TC2N: variants seen among roughly 807,000 people sequenced by gnomAD.
The protein encoded by TC2N is tandem C2 domains, nuclear.
In TC2N, 51 loss-of-function variants were observed where a neutral mutation model predicts 61.9. The ratio of observed to expected loss-of-function variants is 0.82; its 90% CI spans 0.66 to 1.04. The LOEUF (loss-of-function observed/expected upper bound fraction) is 1.04. Among genes scored for constraint, TC2N ranks in the 50% least tolerant of loss-of-function variants. The pLI is 0.00. For missense variants in TC2N, 556 were observed against 566.7 expected, an observed-to-expected ratio of 0.98 and a Z score of 0.19; for synonymous variants, 204 against 192.6, an observed-to-expected ratio of 1.06 and a Z score of -0.49.
rs1885159921 is a variant in TC2N at position 91,782,134 on chromosome 14, C to A, written c.*966G>T. 6.6e-6 allele frequency: 1 copy of A among 151,712 alleles called. No homozygotes were observed. The highest frequency in any genetic ancestry group is 2.4e-5 in the African/African-American group (1 of 41,310). The allele number at this position is 151,712 out of a possible 1,614,324, so 9.4% of individuals were successfully genotyped here. On this transcript the variant is annotated 3_prime_UTR_variant, in exon 12 of 12. Transcript: ENST00000435962. ...TGAAATTATTTCCAAATACTGAGTT[C>A]TAATAAGTACTGGAAAGAAAACTGC...
chr14:91,794,554 T>A (rs911411526), intron 8 of TC2N, among the ~76,000 whole-genome samples: 1 of 152,088 alleles, frequency 6.6e-6, no homozygotes, highest in Non-Finnish European at 1.5e-5. Flanking sequence ...AAATTAACTA[T>A]GCCTGTGCTC....
chr14:91,803,094 C>A (rs1595236415), intron 3 of TC2N, among the ~76,000 whole-genome samples: 1 of 152,012 alleles, frequency 6.6e-6, no homozygotes, highest in African/African-American at 2.4e-5. Context: ...GTTTCATGAA[C>A]ACTTACTTTA....
chr14:91,820,417 T>C (rs1887191781), intron 1 of TC2N, among the ~76,000 whole-genome samples: 2 of 151,802 alleles, frequency 1.3e-5, no homozygotes, highest in South Asian at 4.1e-4. Flanking sequence ...CAAAATCCAA[T>C]ATTCGTGATA....
chr14:91,806,057 T>G (rs998997784), intron 3 of TC2N, among the ~76,000 whole-genome samples: 10 of 152,050 alleles, frequency 6.6e-5, no homozygotes, highest in African/African-American at 2.4e-4. Flanking sequence ...TCTCAAGAGA[T>G]CTGATGGTTT....
At chr14:91,838,192 G>A (rs1888098874) in intron 1 of TC2N, among the ~76,000 whole-genome samples, 1 of 149,372 alleles carries the variant, frequency 6.7e-6, no homozygotes, top group East Asian at 1.9e-4. Flanking sequence ...GCCCAGACTG[G>A]ATTGCAGTGG....
At chr14:91,810,718 A>C (rs938487740) in intron 3 of TC2N, among the ~76,000 whole-genome samples, 1 of 152,148 alleles carries the variant, frequency 6.6e-6, no homozygotes, top group African/African-American at 2.4e-5. Flanking sequence ...CAAAGAACCA[A>C]ATGTAAACTC....
rs966964832 is a variant in TC2N, at chr14:91,792,003, C to T, written c.1047+364G>A. Reference sequence around the variant, plus strand: ...GCATGGTGGTGGGCGCCTGTAGTCCCAGCTACTCGGGAGGCTCAGGCGGGA... The same window carrying T: ...GCATGGTGGTGGGCGCCTGTAGTCCTAGCTACTCGGGAGGCTCAGGCGGGA... On this transcript the variant is annotated intron_variant, in intron 9 of 11. Transcript: ENST00000435962. 1.3e-4 allele frequency among the ~76,000 whole-genome samples: 20 copies of T among 152,042 alleles called. No individual in the cohort carries two copies. In the East Asian group the frequency reaches 3.7e-3, roughly 28 times the overall value.
At chr14:91,821,778 T>A (rs921799138) in intron 1 of TC2N, among the ~76,000 whole-genome samples, 18 of 152,018 alleles carry the variant, frequency 1.2e-4, no homozygotes, top group African/African-American at 3.9e-4. Flanking sequence ...ATATCCAGCA[T>A]ATATAAAAAA....
chr14:91,843,756 G>A (rs1014026505), intron 1 of TC2N, among the ~76,000 whole-genome samples: 1 of 152,220 alleles, frequency 6.6e-6, no homozygotes, highest in South Asian at 2.1e-4. Flanking sequence ...GTGGTTGGCA[G>A]ATGAACCCAA....
intron 1 of TC2N, among the ~76,000 whole-genome samples, chr14:91,823,947 A>C (rs1887379502): frequency 6.6e-6 from 1 of 152,198 alleles, no homozygotes; most frequent in Non-Finnish European, 1.5e-5. Flanking sequence ...TGATCAACCA[A>C]AGTAATGCAC....
At chr14:91,831,528 A>G (rs979630286) in intron 1 of TC2N, among the ~76,000 whole-genome samples, 3 of 152,192 alleles carry the variant, frequency 2.0e-5, no homozygotes, top group African/African-American at 7.2e-5. Context: ...AAGATACATA[A>G]ACAGATCTGT....
intron 3 of TC2N, among the ~76,000 whole-genome samples, chr14:91,807,198 T>C (rs1595241308): frequency 6.6e-6 from 1 of 152,154 alleles, no homozygotes. Flanking sequence ...GGGGCCCTCA[T>C]GGAGAACCTC....
rs747940237 is a variant in TC2N at position 91,783,077 on chromosome 14, C to T, written c.*23G>A. 4.2e-6 allele frequency: 6 copies of T among 1,417,810 alleles called. No individual in the cohort carries two copies. Among genetic ancestry groups the T allele is most frequent in the Non-Finnish European group, 6.0e-6 (6 of 1,006,368 alleles). 87.8% of individuals were successfully genotyped at this position (1,417,810 alleles called of 1,614,324 possible). On this transcript the variant is annotated 3_prime_UTR_variant, in exon 12 of 12. Coordinates refer to ENST00000435962, the MANE Select transcript of TC2N (RefSeq NM_001128596.3). ...TCTTCTAAAAGAATGTCAAGTTCTT[C>T]ACCAAATTAATGTGTGAAGTCTTCA...
At chr14:91,847,130 C>T (rs1373768612) in intron 1 of TC2N, among the ~76,000 whole-genome samples, 1 of 151,978 alleles carries the variant, frequency 6.6e-6, no homozygotes. Context: ...TTGTGGTGGG[C>T]GCCTATAATC....
At chr14:91,811,624 T>A (rs557663412) in intron 3 of TC2N, among the ~76,000 whole-genome samples, 2 of 152,084 alleles carry the variant, frequency 1.3e-5, no homozygotes, top group Non-Finnish European at 2.9e-5. Context: ...GGAAAAGTGA[T>A]TACTAACCAA....
At chr14:91,816,241 A>G (rs1437512947) in intron 1 of TC2N, among the ~76,000 whole-genome samples, 2 of 151,774 alleles carry the variant, frequency 1.3e-5, no homozygotes, top group African/African-American at 2.4e-5. Context: ...CCCAATAGCA[A>G]TATGTAAGAG....
intron 11 of TC2N, among the ~76,000 whole-genome samples, chr14:91,784,460 T>C (rs900746630): frequency 2.0e-5 from 3 of 152,166 alleles, no homozygotes; most frequent in African/African-American, 7.2e-5. Context: ...GAGGATTTCA[T>C]GTAGACTGTT....
rs1318536192 is a variant in TC2N, at chr14:91,802,441, A to G, written c.302-20T>C. The G allele has an allele frequency of 1.2e-6, 2 of 1,607,652 alleles. No individual in the cohort carries two copies. Among genetic ancestry groups the G allele is most frequent in the Admixed American group, 1.7e-5 (1 of 58,654 alleles). ...CAGATCCTGAAAGCAAATGTTTCTA[A>G]AAGTTTATAACATCCTTTTCTTGGA... On this transcript the variant is annotated intron_variant, in intron 3 of 11. Transcript: ENST00000435962.
intron 8 of TC2N, among the ~76,000 whole-genome samples, chr14:91,794,355 G>T (rs1262850732): frequency 3.9e-5 from 6 of 152,190 alleles, no homozygotes; most frequent in African/African-American, 1.4e-4. Flanking sequence ...GTAGACAAAA[G>T]AGCCTTCTGT....
Sources: gnomAD v4.1 joint callset for allele counts (sites outside exome capture counted in the v4.1 genomes callset) on GRCh38, gnomAD v4.1.1 for gene constraint, MANE v1.5 for transcripts, NCBI Gene and HGNC (gene_info 2026-07-23, HGNC 2026-07-21) for gene names.